Variants in KCNH8 observed in about 807,000 individuals in gnomAD.
The protein encoded by KCNH8 is voltage-gated delayed rectifier potassium channel KCNH8.
A neutral mutation model predicts 103.6 loss-of-function variants in KCNH8; 70 were observed. The ratio of observed to expected loss-of-function variants is 0.68; its 90% CI spans 0.56 to 0.82. The LOEUF (loss-of-function observed/expected upper bound fraction) is 0.82. Among genes scored for constraint, KCNH8 ranks in the 40% least tolerant of loss-of-function variants. KCNH8 has a pLI of 0.00. For missense variants in KCNH8, 1,217 were observed against 1,329.9 expected (o/e 0.92, Z 1.32); for synonymous variants, 498 against 489.4 (o/e 1.02, Z -0.23).
At chr3:19,225,863 T>C (rs568693377) in intron 1 of KCNH8, among the ~76,000 whole-genome samples, 5 of 152,348 alleles carry the variant, frequency 3.3e-5, no homozygotes, top group African/African-American at 1.2e-4. Flanking sequence ...TTGTGAGTGA[T>C]ATTTTCCTCC....
intron 5 of KCNH8, among the ~76,000 whole-genome samples, chr3:19,359,301 A>G (rs1173694130): frequency 6.6e-6 from 1 of 151,958 alleles, no homozygotes; most frequent in African/African-American, 2.4e-5. Context: ...TTAATAAAAG[A>G]AACTATTAAG....
chr3:19,174,428 TTCTG>T (rs2063378315), intron 1 of KCNH8, among the ~76,000 whole-genome samples: 1 of 152,194 alleles, frequency 6.6e-6, no homozygotes, highest in African/African-American at 2.4e-5. Context: ...TATCTTAGTA[TTCTG>T]TCTATCTTTA....
chr3:19,395,068 A>G (rs2066494271), intron 6 of KCNH8, 36 bp from the exon 7 acceptor site: 1 of 1,480,856 alleles, frequency 6.8e-7, no homozygotes, highest in African/African-American at 1.4e-5. Context: ...AATTTAACAC[A>G]TGCACCAAGT....
At chr3:19,388,132 A>G (rs1386270029) in intron 5 of KCNH8, among the ~76,000 whole-genome samples, 1 of 152,102 alleles carries the variant, frequency 6.6e-6, no homozygotes, top group African/African-American at 2.4e-5. Context: ...GGTAGATTCC[A>G]TGGTCACTTA....
Position 19,308,057 on chromosome 3 carries a change from C to T in KCNH8, c.442+26728C>T, listed in dbSNP as rs918843173. 4.6e-5 allele frequency among the ~76,000 whole-genome samples: 7 copies of T among 151,848 alleles called. No individual in the cohort carries two copies. In the South Asian group the frequency reaches 1.5e-3, roughly 32 times the overall value. ...GCTAGAAAGACGACATTGAATGTTC[C>T]TAACACAGAAAAATGATAAATGTGT... On this transcript the variant is annotated intron_variant, in intron 3 of 15. Transcript: ENST00000328405.
intron 1 of KCNH8, among the ~76,000 whole-genome samples, chr3:19,243,020 C>T (rs1390923697): frequency 6.6e-6 from 1 of 152,140 alleles, no homozygotes; most frequent in Non-Finnish European, 1.5e-5. Context: ...GGTTATGCAA[C>T]CTTTCTGAGC....
intron 11 of KCNH8, among the ~76,000 whole-genome samples, chr3:19,492,792 C>T (rs1349004463): frequency 1.3e-5 from 2 of 150,104 alleles, no homozygotes; most frequent in Non-Finnish European, 1.5e-5. Context: ...ATTTTCATGA[C>T]ACTGATTCTT....
At chr3:19,312,031 C>T (rs1163325469) in intron 3 of KCNH8, among the ~76,000 whole-genome samples, 1 of 151,780 alleles carries the variant, frequency 6.6e-6, no homozygotes, top group Non-Finnish European at 1.5e-5. Context: ...CTCTTTCTTC[C>T]GCAGTGTTTT....
intron 7 of KCNH8, among the ~76,000 whole-genome samples, chr3:19,423,407 A>G (rs1339632445): frequency 1.3e-5 from 2 of 151,948 alleles, no homozygotes; most frequent in East Asian, 1.9e-4. Flanking sequence ...CAGCATACCT[A>G]TTGTGTAGTC....
chr3:19,301,038 T>C (rs1330303478), intron 3 of KCNH8, among the ~76,000 whole-genome samples: 1 of 151,764 alleles, frequency 6.6e-6, no homozygotes. Context: ...TTTATTAATA[T>C]AATCCTCTCA....
At chr3:19,230,111 T>C (rs917125746) in intron 1 of KCNH8, among the ~76,000 whole-genome samples, 5 of 152,050 alleles carry the variant, frequency 3.3e-5, no homozygotes, top group African/African-American at 1.2e-4. Flanking sequence ...CCATCAGAGC[T>C]CATGAGACTT....
intron 3 of KCNH8, among the ~76,000 whole-genome samples, chr3:19,310,165 A>C (rs761750551): frequency 5.9e-5 from 9 of 151,988 alleles, no homozygotes; most frequent in Non-Finnish European, 1.3e-4. Context: ...GAATGTGTGA[A>C]TATGTGAACA....
At chr3:19,335,182 A>T (rs556002254) in intron 3 of KCNH8, among the ~76,000 whole-genome samples, 1 of 151,946 alleles carries the variant, frequency 6.6e-6, no homozygotes, top group East Asian at 1.9e-4. Context: ...TATTATAAAG[A>T]CCTTTTTAAA....
chr3:19,308,193 T>G (rs1223221731), intron 3 of KCNH8, among the ~76,000 whole-genome samples: 2 of 151,840 alleles, frequency 1.3e-5, no homozygotes, highest in Non-Finnish European at 2.9e-5. Flanking sequence ...TAAACTAAAT[T>G]TTAAAGAATT....
intron 4 of KCNH8, 77 bp from the exon 5 acceptor site, chr3:19,347,648 G>A (rs565808474): frequency 9.8e-5 from 150 of 1,532,808 alleles, no homozygotes; most frequent in Non-Finnish European, 1.2e-4. Context: ...ACTCACAAAA[G>A]TGTGTGTTTC....
At chr3:19,526,154 T>G (rs1274370113) in intron 15 of KCNH8, among the ~76,000 whole-genome samples, 1 of 151,918 alleles carries the variant, frequency 6.6e-6, no homozygotes, top group Non-Finnish European at 1.5e-5. Flanking sequence ...ATTGGTATAA[T>G]TAGTACCCCT....
intron 11 of KCNH8, among the ~76,000 whole-genome samples, chr3:19,481,836 T>C (rs1388143659): frequency 2.6e-5 from 4 of 152,112 alleles, no homozygotes; most frequent in Non-Finnish European, 4.4e-5. Flanking sequence ...AAACTTATGG[T>C]TGGGTAAGGA....
intron 2 of KCNH8, 122 bp downstream of exon 2, chr3:19,254,009 C>A: frequency 1.5e-6 from 1 of 666,080 alleles, no homozygotes; most frequent in Non-Finnish European, 2.6e-6. Flanking sequence ...CAGGCTGTTA[C>A]AGAAGTTCCA....
At chr3:19,290,953 C>A (rs1476425970) in intron 3 of KCNH8, among the ~76,000 whole-genome samples, 3 of 152,162 alleles carry the variant, frequency 2.0e-5, no homozygotes, top group Non-Finnish European at 4.4e-5. Context: ...GATTCAACTT[C>A]TTCCTGGTTT....
Sources: gnomAD v4.1 joint callset for allele counts (sites outside exome capture counted in the v4.1 genomes callset) on GRCh38, gnomAD v4.1.1 for gene constraint, MANE v1.5 for transcripts, NCBI Gene and HGNC (gene_info 2026-07-23, HGNC 2026-07-21) for gene names.